HDAC4: variants seen among roughly 807,000 people sequenced by gnomAD.
HDAC4 encodes the protein histone deacetylase 4.
A neutral mutation model predicts 135.1 loss-of-function variants in HDAC4; 16 were observed. The observed-to-expected ratio is 0.12, with a 90% confidence interval of 0.08 to 0.18. The LOEUF (loss-of-function observed/expected upper bound fraction) is 0.18. Ranked by LOEUF, HDAC4 falls within the 10% of genes least tolerant of loss-of-function variation. The pLI, the probability that HDAC4 is intolerant of heterozygous loss-of-function variation, is 1.00. For synonymous variants in HDAC4, 685 were observed against 653.4 expected (o/e 1.05, Z -0.74); for missense variants, 1,143 against 1,511.8 (o/e 0.76, Z 4.05).
chr2:239,159,675 G>A (rs1034709753), intron 6 of HDAC4, among the ~76,000 whole-genome samples: 8 of 151,788 alleles, frequency 5.3e-5, no homozygotes, highest in African/African-American at 1.9e-4. Flanking sequence ...CCCGGCCACA[G>A]CCCACACTCA....
intron 7 of HDAC4, among the ~76,000 whole-genome samples, chr2:239,149,228 C>T (rs2041953791): frequency 6.6e-6 from 1 of 151,948 alleles, no homozygotes; most frequent in Non-Finnish European, 1.5e-5. Flanking sequence ...ATGGTGAAAC[C>T]CGTCTCTACT....
At chr2:239,374,633 G>C (rs993166911) in intron 1 of HDAC4, among the ~76,000 whole-genome samples, 1 of 151,674 alleles carries the variant, frequency 6.6e-6, no homozygotes, top group African/African-American at 2.4e-5. Flanking sequence ...TCGATCTCCT[G>C]ACCTCGTGAT....
chr2:239,052,570 TCA>T lies in HDAC4; in HGVS notation c.*525_*526del. 6.0e-6 allele frequency: 1 copy of T among 166,242 alleles called. No individual in the cohort carries two copies. The highest frequency in any genetic ancestry group is 1.3e-5 in the Non-Finnish European group (1 of 75,270). 10.3% of individuals were successfully genotyped at this position (166,242 alleles called of 1,614,324 possible). On this transcript the variant is annotated 3_prime_UTR_variant, in exon 27 of 27. Coordinates refer to ENST00000543185, the MANE Select transcript of HDAC4 (RefSeq NM_001378414.1). The stretch of plus-strand genomic sequence containing the variant: ...ACCCCCCGCCGCACACCGCTATGGT[TCA>T]CAGAGGCGGGCCACAGCCGTAGAAA...
At position 239,349,466 on chromosome 2, in the gene HDAC4, T is replaced by C. The variant is rs1692964693; in HGVS notation, c.22+3212A>G. On this transcript the variant is annotated intron_variant, in intron 2 of 26. Coordinates refer to ENST00000543185, the MANE Select transcript of HDAC4 (RefSeq NM_001378414.1). The surrounding 1 kb of genome is among the most constrained non-coding windows in gnomAD (Gnocchi z 5.7). The stretch of plus-strand genomic sequence containing the variant: ...CAGGATTGGAAAGCACTTCCAGCAA[T>C]GCCTGGGAGCGGACGGACAGGTGCA... Among the ~76,000 whole-genome samples, 1 of 152,206 alleles carries C rather than the reference T, an allele frequency of 6.6e-6. No individual in the cohort carries two copies. The highest frequency in any genetic ancestry group is 6.5e-5 in the Admixed American group (1 of 15,290).
intron 2 of HDAC4, among the ~76,000 whole-genome samples, chr2:239,268,522 C>T (rs959865171): frequency 1.3e-5 from 2 of 152,370 alleles, no homozygotes; most frequent in Admixed American, 1.3e-4. Context: ...CAACATACTT[C>T]TTCCCTGCTG....
At chr2:239,175,014 C>G (rs1160046698) in intron 5 of HDAC4, among the ~76,000 whole-genome samples, 2 of 152,216 alleles carry the variant, frequency 1.3e-5, no homozygotes, top group African/African-American at 4.8e-5. Context: ...TCTTCTGACT[C>G]ATGGGCCAGC....
intron 1 of HDAC4, among the ~76,000 whole-genome samples, chr2:239,361,089 A>G (rs1693837593): frequency 6.6e-6 from 1 of 151,930 alleles, no homozygotes; most frequent in Admixed American, 6.6e-5. Flanking sequence ...CCTTTTTCTG[A>G]TATTTCATTC....
In HDAC4 at chr2:239,212,096, T is replaced by G. The variant is rs372557534; in HGVS notation, c.95-22019A>C. Among the ~76,000 whole-genome samples, 25 of 152,370 alleles carry G rather than the reference T, an allele frequency of 1.6e-4. No homozygotes were observed. In the East Asian group the frequency reaches 1.9e-3, roughly 12 times the overall value. On this transcript the variant is annotated intron_variant, in intron 3 of 26. Transcript: ENST00000543185. ...TGGGAAGGTTGGGAAAACGATGTTC[T>G]GTCTCACTAAAATTTTAATCTGTAA... is the stretch of plus-strand genomic sequence containing the variant.
chr2:239,177,161 C>T (rs182139628), intron 4 of HDAC4, among the ~76,000 whole-genome samples: 6 of 152,308 alleles, frequency 3.9e-5, no homozygotes, highest in Admixed American at 3.3e-4. Context: ...CAACAACCTA[C>T]GTGTACACAA....
chr2:239,291,284 G>C (rs958343547), intron 2 of HDAC4, among the ~76,000 whole-genome samples: 1 of 152,214 alleles, frequency 6.6e-6, no homozygotes, highest in Non-Finnish European at 1.5e-5. Flanking sequence ...GGGCTGGCCC[G>C]GGCTGGCCAG....
Position 239,240,435 on chromosome 2 carries a change from T to C in HDAC4, c.23-3771A>G, listed in dbSNP as rs1464555866. ...ATGAGAGGTGGAATTTCCATATTTATCTGCCTCTGGGCTGAAATTTCTCAG... is the reference window on the plus strand; with the variant it reads ...ATGAGAGGTGGAATTTCCATATTTACCTGCCTCTGGGCTGAAATTTCTCAG... On this transcript the variant is annotated intron_variant, in intron 2 of 26. Coordinates refer to ENST00000543185, the MANE Select transcript of HDAC4 (RefSeq NM_001378414.1). The surrounding 1 kb of genome is among the most constrained non-coding windows in gnomAD (Gnocchi z 4.5). Among the ~76,000 whole-genome samples, 1 of 152,234 alleles carries C rather than the reference T, an allele frequency of 6.6e-6. No individual in the cohort carries two copies. Among genetic ancestry groups the C allele is most frequent in the African/African-American group, 2.4e-5 (1 of 41,460 alleles).
intron 3 of HDAC4, among the ~76,000 whole-genome samples, chr2:239,218,129 T>G (rs999824811): frequency 6.6e-6 from 1 of 151,870 alleles, no homozygotes; most frequent in African/African-American, 2.4e-5. Flanking sequence ...TAAAATTGGA[T>G]GAAAATTTTA....
chr2:239,093,110 C>G lies in HDAC4; in HGVS notation c.2280+1900G>C, dbSNP rs189124765. On this transcript the variant is annotated intron_variant, in intron 17 of 26. Transcript: ENST00000543185. ...CGCTGGGCGAGGCCGAGCAGGGACA[C>G]CAGCTCCTCACCCAGTTGAAACTTG... is the stretch of plus-strand genomic sequence containing the variant. Among the ~76,000 whole-genome samples the G allele has an allele frequency of 2.3e-3, 347 of 152,322 alleles. 2 individuals carry two copies. The highest frequency in any genetic ancestry group is 8.0e-3 in the African/African-American group (331 of 41,580).
intron 1 of HDAC4, among the ~76,000 whole-genome samples, chr2:239,361,933 AG>A (rs1211759519): frequency 6.6e-6 from 1 of 152,276 alleles, no homozygotes; most frequent in Non-Finnish European, 1.5e-5. Context: ...ACACATGGAA[AG>A]CACATGCTAC....
Position 239,048,651 on chromosome 2 carries a change from C to CA in HDAC4, c.*4445dup, listed in dbSNP as rs2030343688. On this transcript the variant is annotated 3_prime_UTR_variant, in exon 27 of 27. Transcript: ENST00000543185. ...AATAGCGCCTCCACTATGGAGCACA[C>CA]ACGGCAAAAAAAACAAACAAAAACT... 6.6e-6 allele frequency: 1 copy of CA among 152,092 alleles called. No homozygotes were observed. Among genetic ancestry groups the CA allele is most frequent in the Non-Finnish European group, 1.5e-5 (1 of 68,012 alleles). 9.4% of individuals were successfully genotyped at this position (152,092 alleles called of 1,614,324 possible).
At chr2:239,178,321 A>G (rs924266965) in intron 4 of HDAC4, among the ~76,000 whole-genome samples, 2 of 151,998 alleles carry the variant, frequency 1.3e-5, no homozygotes, top group African/African-American at 4.8e-5. Flanking sequence ...CCCAGGCTGG[A>G]GTGCAGTGGC....
chr2:239,124,383 G>A (rs2039953342), intron 12 of HDAC4, among the ~76,000 whole-genome samples: 1 of 152,228 alleles, frequency 6.6e-6, no homozygotes, highest in Non-Finnish European at 1.5e-5. Context: ...GACGTTTTAT[G>A]TGCATGAAAT....
intron 2 of HDAC4, among the ~76,000 whole-genome samples, chr2:239,311,417 C>A (rs955470097): frequency 6.6e-6 from 1 of 152,226 alleles, no homozygotes; most frequent in African/African-American, 2.4e-5. Context: ...CCTCAGCCGG[C>A]GTCAGCTGTT....
At chr2:239,254,165 C>T (rs979039211) in intron 2 of HDAC4, among the ~76,000 whole-genome samples, 1 of 151,936 alleles carries the variant, frequency 6.6e-6, no homozygotes, top group African/African-American at 2.4e-5. Flanking sequence ...CCCTGTAGCC[C>T]CAGGAAGACA....
Sources: gnomAD v4.1 joint callset for allele counts (sites outside exome capture counted in the v4.1 genomes callset) on GRCh38, gnomAD v4.1.1 for gene constraint, Gnocchi (gnomAD v3.1) non-coding constraint, MANE v1.5 for transcripts, NCBI Gene and HGNC (gene_info 2026-07-23, HGNC 2026-07-21) for gene names.